IPO11: variants seen among roughly 807,000 people sequenced by gnomAD.
IPO11 encodes the protein importin-11.
Under a neutral mutation model 143.2 loss-of-function variants are expected in IPO11, and 66 were observed. The ratio of observed to expected loss-of-function variants is 0.46; its 90% confidence interval spans 0.38 to 0.57. The LOEUF (loss-of-function observed/expected upper bound fraction) is 0.57. IPO11 is among the 20% of genes least tolerant of loss of function. IPO11 has a pLI of 0.00. For synonymous variants in IPO11, 385 were observed against 377.8 expected (o/e 1.02, Z -0.22); for missense variants, 1,026 against 1,141.0 (o/e 0.90, Z 1.45).
intron 29 of IPO11, 37 bp from the exon 30 acceptor site, chr5:62,627,117 C>T (rs1746613325): frequency 1.3e-6 from 2 of 1,559,752 alleles, no homozygotes; most frequent in Non-Finnish European, 1.7e-6. Flanking sequence ...ACTTGTTTTG[C>T]TTTTTTGACA....
chr5:62,533,058 G>A (rs981451537), intron 22 of IPO11, among the ~76,000 whole-genome samples: 3 of 151,978 alleles, frequency 2.0e-5, no homozygotes, highest in African/African-American at 4.8e-5. Context: ...TTTGTTTTAT[G>A]CATTGTGGTA....
intron 5 of IPO11, among the ~76,000 whole-genome samples, chr5:62,464,207 T>G (rs1468816772): frequency 7.2e-6 from 1 of 139,756 alleles, no homozygotes; most frequent in Non-Finnish European, 1.5e-5. Context: ...TGGAGTGCAG[T>G]GGCGAGATCT....
rs1744949428 is a variant in IPO11 at position 62,452,051 on chromosome 5, C to G, written c.516+118C>G. ...AGGCGGGTGGATCACGAGGTCAGGC[C>G]TGGCCAATATGGTGAAACCCCATCT... On this transcript the variant is annotated intron_variant, in intron 5 of 29. Transcript: ENST00000325324. 5 of 747,642 alleles carry G rather than the reference C, an allele frequency of 6.7e-6. 1 individual carries two copies. In the Admixed American group the frequency reaches 8.9e-5, roughly 13 times the overall value. 46.3% of individuals were successfully genotyped at this position (747,642 alleles called of 1,614,324 possible). A position where few individuals can be genotyped will look rare whatever the true frequency, so the allele number is the denominator to read the frequency against.
intron 2 of IPO11, among the ~76,000 whole-genome samples, chr5:62,442,013 T>C (rs1744501239): frequency 6.6e-6 from 1 of 151,126 alleles, no homozygotes. Flanking sequence ...GCCCAGCTAA[T>C]TTTTGTATTT....
In IPO11 at chr5:62,627,234, A is replaced by G. The variant is rs1331041453; in HGVS notation, c.2844A>G (p.Leu948=). 1.2e-6 allele frequency: 2 copies of G among 1,614,146 alleles called. No individual in the cohort carries two copies. Among genetic ancestry groups the G allele is most frequent in the Non-Finnish European group, 1.7e-6 (2 of 1,179,990 alleles). The stretch of plus-strand genomic sequence containing the variant: ...AGCTCAAGGCACAGCAGGAGATGCT[A>G]GGAGAACAAGGTTTCCAGTCCCTCA... ...YEKLKAQQEM[L]GEQGFQSLME... Residue 948 remains leucine, a synonymous_variant, in exon 30 of 30, where the codon CTA becomes CTG. Coordinates refer to ENST00000325324, the MANE Select transcript of IPO11 (RefSeq NM_016338.5).
At chr5:62,476,818 G>T (rs1342616876) in intron 9 of IPO11, 65 bp downstream of exon 9, 1 of 1,393,026 alleles carries the variant, frequency 7.2e-7, no homozygotes, top group Non-Finnish European at 9.5e-7. Context: ...AAAGGAAAAT[G>T]ATATTTTTAT....
chr5:62,581,376 T>A, intron 27 of IPO11: 2 of 1,136,944 alleles, frequency 1.8e-6, no homozygotes, highest in Non-Finnish European at 2.4e-6. Context: ...CCTCCTTATA[T>A]AATTATATAC....
intron 1 of IPO11, among the ~76,000 whole-genome samples, chr5:62,429,080 G>A (rs548510564): frequency 1.5e-4 from 23 of 152,338 alleles, no homozygotes; most frequent in South Asian, 1.0e-3. Context: ...CAATTCAGTA[G>A]TTTTTAGTAT....
intron 9 of IPO11, among the ~76,000 whole-genome samples, chr5:62,481,654 C>T (rs140324415): frequency 1.2e-3 from 184 of 152,142 alleles, no homozygotes; most frequent in African/African-American, 4.2e-3. Context: ...CTTCTGGATT[C>T]GGTTTGTTTG....
intron 27 of IPO11, among the ~76,000 whole-genome samples, chr5:62,571,498 G>C (rs2112385095): frequency 6.6e-6 from 1 of 152,302 alleles, no homozygotes; most frequent in South Asian, 2.1e-4. Context: ...GACCAACTGT[G>C]TGATGATACC....
chr5:62,591,363 A>G (rs1309870823), intron 27 of IPO11, among the ~76,000 whole-genome samples: 5 of 152,056 alleles, frequency 3.3e-5, no homozygotes, highest in Non-Finnish European at 7.4e-5. Context: ...GAATCTATCC[A>G]TCTAGTATTT....
intron 27 of IPO11, among the ~76,000 whole-genome samples, chr5:62,566,371 A>G (rs932891799): frequency 2.6e-5 from 4 of 152,098 alleles, no homozygotes; most frequent in Admixed American, 1.3e-4. Context: ...GCATTTCTCT[A>G]ATGATCAATG....
intron 29 of IPO11, among the ~76,000 whole-genome samples, chr5:62,623,627 T>C (rs1746450323): frequency 6.6e-6 from 1 of 151,426 alleles, no homozygotes; most frequent in Admixed American, 6.6e-5. Flanking sequence ...GGTATTTCTT[T>C]CTTTCTTTCT....
In IPO11 at chr5:62,484,065, TCC is replaced by T; in HGVS notation, c.1078_1079del (p.Pro360TyrfsTer7). The stretch of plus-strand genomic sequence containing the variant: ...AGATTAAGATGGCATTCTTCACATA[TCC>T]TACTTTGACAGAGATATGTAGAAGA... ...HKIKMAFFTY[P>X]TLTEICRRLV... is the part of the protein sequence containing the mutation. On this transcript the variant is annotated frameshift_variant, in exon 11 of 30. Coordinates refer to ENST00000325324, the MANE Select transcript of IPO11 (RefSeq NM_016338.5). LOFTEE classifies it high-confidence loss of function. 6.2e-7 allele frequency: 1 copy of T among 1,609,620 alleles called. No homozygotes were observed. The highest frequency in any genetic ancestry group is 8.5e-7 in the Non-Finnish European group (1 of 1,178,122).
intron 24 of IPO11, among the ~76,000 whole-genome samples, chr5:62,546,910 A>G (rs1033506012): frequency 6.6e-6 from 1 of 152,182 alleles, no homozygotes; most frequent in African/African-American, 2.4e-5. Context: ...GTAGCTATCT[A>G]GCAAAAAGAG....
chr5:62,511,367 T>C (rs1741742196), intron 19 of IPO11, among the ~76,000 whole-genome samples: 1 of 152,186 alleles, frequency 6.6e-6, no homozygotes, highest in South Asian at 2.1e-4. Flanking sequence ...ATGAGCTAAC[T>C]GGAGTGATCT....
intron 3 of IPO11, among the ~76,000 whole-genome samples, chr5:62,449,157 C>A (rs934809414): frequency 3.3e-5 from 5 of 152,158 alleles, no homozygotes; most frequent in African/African-American, 1.2e-4. Context: ...CATTGGCCTC[C>A]CCAAAGTGCT....
intron 20 of IPO11, among the ~76,000 whole-genome samples, chr5:62,520,941 A>G (rs2112296318): frequency 6.6e-6 from 1 of 152,352 alleles, no homozygotes; most frequent in South Asian, 2.1e-4. Flanking sequence ...TGTCTTCCAC[A>G]ATGGTTGAAC....
Position 62,598,386 on chromosome 5 carries a change from TG to T in IPO11, c.2679-3377del, listed in dbSNP as rs1561380359. On this transcript the variant is annotated intron_variant, in intron 28 of 29. Transcript: ENST00000325324. ...ACGACCCATAAATTGTTTGCTTGCTTGCTTGCTTTCTTTCTTTCTTTCTTTC... is the reference window on the plus strand; with the variant it reads ...ACGACCCATAAATTGTTTGCTTGCTTCTTGCTTTCTTTCTTTCTTTCTTTC... Among the ~76,000 whole-genome samples the T allele has an allele frequency of 3.8e-3, 35 of 9,142 alleles. 12 individuals are homozygous for T. The highest frequency in any genetic ancestry group is 8.7e-3 in the African/African-American group (7 of 808). The allele number at this position is 9,142 out of a possible 152,430, so 6.0% of individuals were successfully genotyped here.
Sources: allele counts gnomAD v4.1 joint callset (sites outside exome capture counted in the v4.1 genomes callset), GRCh38; gene constraint gnomAD v4.1.1; transcripts MANE v1.5; gene names NCBI Gene and HGNC (gene_info 2026-07-23, HGNC 2026-07-21).